AUTS2: variants seen among roughly 807,000 people sequenced by gnomAD.
AUTS2 encodes activator of transcription and developmental regulator AUTS2.
A neutral mutation model predicts 112.4 loss-of-function variants in AUTS2; 17 were observed. That is an observed-to-expected ratio of 0.15 (90% CI 0.10 to 0.23). The LOEUF (loss-of-function observed/expected upper bound fraction) is 0.23, where lower values mean the gene tolerates loss of function less well. Ranked by LOEUF, AUTS2 falls within the 10% of genes least tolerant of loss-of-function variation. The pLI is 1.00. For missense variants in AUTS2, 1,510 were observed against 1,701.6 expected, an observed-to-expected ratio of 0.89 and a Z score of 1.98; for synonymous variants, 751 against 702.7, an observed-to-expected ratio of 1.07 and a Z score of -1.09.
intron 16 of AUTS2, 100 bp from the exon 17 acceptor site, chr7:70,785,853 TAG>T: frequency 9.3e-7 from 1 of 1,080,406 alleles, no homozygotes; most frequent in South Asian, 1.4e-5. Flanking sequence ...GGTGGGGGCG[TAG>T]AGAGGGCAGG....
chr7:69,804,602 T>C (rs1790221131), intron 1 of AUTS2, among the ~76,000 whole-genome samples: 1 of 152,230 alleles, frequency 6.6e-6, no homozygotes, highest in African/African-American at 2.4e-5. Context: ...TGCTTTATCA[T>C]TCTCCTGATC....
In AUTS2 at chr7:70,777,138, C is replaced by T. The variant is rs761641189; in HGVS notation, c.1968C>T (p.Ile656=). Residue 656 remains isoleucine, a synonymous_variant, in exon 14 of 19, where the codon ATC becomes ATT. Coordinates refer to ENST00000342771, the MANE Select transcript of AUTS2 (RefSeq NM_015570.4). ...AGTGGTGTGCTATGCATGTTCACAT[C>T]GCCTGGCAGATTTACCACCACCAAC... ...PGKWCAMHVH[I]AWQIYHHQQK... 7.4e-6 allele frequency: 12 copies of T among 1,613,960 alleles called. No individual in the cohort carries two copies. Among genetic ancestry groups the T allele is most frequent in the African/African-American group, 2.7e-5 (2 of 74,894 alleles).
intron 5 of AUTS2, among the ~76,000 whole-genome samples, chr7:70,469,145 A>G (rs1031293631): frequency 5.3e-5 from 8 of 152,242 alleles, no homozygotes; most frequent in African/African-American, 1.9e-4. Flanking sequence ...TGTCTGTTAC[A>G]TGCCAGTCAT....
chr7:69,770,618 C>T (rs1227809596), intron 1 of AUTS2, among the ~76,000 whole-genome samples: 1 of 152,080 alleles, frequency 6.6e-6, no homozygotes, highest in Non-Finnish European at 1.5e-5. Context: ...CCTACTTCTT[C>T]TACATCACAA....
chr7:70,680,421 A>G (rs934598696), intron 5 of AUTS2, among the ~76,000 whole-genome samples: 33 of 152,312 alleles, frequency 2.2e-4, no homozygotes, highest in African/African-American at 7.5e-4. Context: ...TACAGTATTC[A>G]TTCAGCACCT....
chr7:70,216,255 A>G (rs1025821390), intron 4 of AUTS2, among the ~76,000 whole-genome samples: 16 of 152,240 alleles, frequency 1.1e-4, no homozygotes, highest in African/African-American at 3.9e-4. Flanking sequence ...TAATCTGGAC[A>G]GAGTGTTGGA....
At chr7:69,956,322 C>T (rs141942797) in intron 2 of AUTS2, among the ~76,000 whole-genome samples, 411 of 152,226 alleles carry the variant, frequency 2.7e-3, no homozygotes, top group South Asian at 7.1e-3. Context: ...TGCTCAAATG[C>T]ACATACATAC....
intron 5 of AUTS2, among the ~76,000 whole-genome samples, chr7:70,617,690 G>T (rs924744502): frequency 6.6e-6 from 1 of 151,980 alleles, no homozygotes; most frequent in African/African-American, 2.4e-5. Context: ...GTTTGTGAGG[G>T]ATTCCTAAGA....
At chr7:70,163,743 C>A (rs1448140486) in intron 4 of AUTS2, among the ~76,000 whole-genome samples, 3 of 152,138 alleles carry the variant, frequency 2.0e-5, no homozygotes, top group Non-Finnish European at 2.9e-5. Flanking sequence ...AACTTGGCTT[C>A]CCCGTGGGAG....
chr7:70,496,999 C>T (rs1490709699), intron 5 of AUTS2, among the ~76,000 whole-genome samples: 7 of 124,266 alleles, frequency 5.6e-5, no homozygotes, highest in South Asian at 2.8e-4. Flanking sequence ...CTCACACACA[C>T]CACGTACACA....
At chr7:70,744,422 C>T (rs1036410285) in intron 6 of AUTS2, among the ~76,000 whole-genome samples, 2 of 152,122 alleles carry the variant, frequency 1.3e-5, no homozygotes, top group African/African-American at 2.4e-5. Context: ...TTTTCTAGGC[C>T]GCCCTCTCCT....
intron 1 of AUTS2, among the ~76,000 whole-genome samples, chr7:69,876,527 TATATATATATATA>T (rs1793806541): frequency 4.3e-5 from 2 of 46,542 alleles, no homozygotes; most frequent in South Asian, 1.2e-3. Flanking sequence ...TATATATATA[TATATATATATATA>T]TATATTTTCA....
chr7:69,839,628 G>A (rs1289884680), intron 1 of AUTS2, among the ~76,000 whole-genome samples: 3 of 152,156 alleles, frequency 2.0e-5, no homozygotes, highest in Admixed American at 6.5e-5. Context: ...GAAAACCCAA[G>A]ATCTCCCCCC....
intron 5 of AUTS2, among the ~76,000 whole-genome samples, chr7:70,511,789 T>C (rs1304929401): frequency 1.3e-5 from 2 of 151,948 alleles, no homozygotes; most frequent in Admixed American, 6.6e-5. Context: ...TTGGCCAGGC[T>C]GGTCTTGAAC....
chr7:70,783,321 A>AGAT lies in AUTS2; in HGVS notation c.2146+1566_2146+1568dup, dbSNP rs1422573438. 5.3e-5 allele frequency: 8 copies of AGAT among 152,322 alleles called. No individual in the cohort carries two copies. In the East Asian group the frequency reaches 1.2e-3, roughly 22 times the overall value. 9.4% of individuals were successfully genotyped at this position (152,322 alleles called of 1,614,324 possible). ...AATAAGCCAGTATGCAGGGCTGAAT[A>AGAT]GATAACTCCTCAGGTGTCTTCCAAT... On this transcript the variant is annotated intron_variant, in intron 15 of 18. Transcript: ENST00000342771.
intron 1 of AUTS2, among the ~76,000 whole-genome samples, chr7:69,615,803 A>G (rs1209683508): frequency 1.3e-5 from 2 of 152,224 alleles, no homozygotes; most frequent in African/African-American, 4.8e-5. Flanking sequence ...CTTTCCAATG[A>G]TGTGCTTTGT....
At chr7:70,402,149 TCC>T (rs1427741327) in intron 4 of AUTS2, among the ~76,000 whole-genome samples, 1 of 152,236 alleles carries the variant, frequency 6.6e-6, no homozygotes, top group African/African-American at 2.4e-5. Flanking sequence ...TGGAGGCACC[TCC>T]AGGGTGCCCA....
chr7:70,068,371 A>T (rs1802595638), intron 2 of AUTS2, among the ~76,000 whole-genome samples: 1 of 151,444 alleles, frequency 6.6e-6, no homozygotes, highest in South Asian at 2.1e-4. Context: ...TTTTTAGTGG[A>T]AACGGAGTTT....
At chr7:70,279,227 C>T (rs1165643830) in intron 4 of AUTS2, among the ~76,000 whole-genome samples, 1 of 152,152 alleles carries the variant, frequency 6.6e-6, no homozygotes. Flanking sequence ...ACTGATGGCA[C>T]TCTCTCTTGG....
Sources: allele counts gnomAD v4.1 joint callset (sites outside exome capture counted in the v4.1 genomes callset), GRCh38; gene constraint gnomAD v4.1.1; transcripts MANE v1.5; gene names NCBI Gene and HGNC (gene_info 2026-07-23, HGNC 2026-07-21).